The following MRC1 variants were observed in gnomAD, a reference collection of about 807,000 sequenced individuals.
MRC1 encodes the protein mannose receptor C-type 1, also known as macrophage mannose receptor 1.
A neutral mutation model predicts 102.9 loss-of-function variants in MRC1; 62 were observed. That is an observed-to-expected ratio of 0.60 (90% CI 0.49 to 0.74). MRC1 has a LOEUF of 0.74. Ranked by LOEUF, MRC1 falls within the 30% of genes least tolerant of loss-of-function variation. MRC1 has a pLI of 0.00. For missense variants in MRC1, 1,237 were observed against 862.8 expected (o/e 1.43, Z -5.43); for synonymous variants, 457 against 298.4 (o/e 1.53, Z -5.48).
intron 26 of MRC1, among the ~76,000 whole-genome samples, chr10:17,905,066 C>T (rs1287383670): frequency 1.3e-5 from 2 of 152,048 alleles, no homozygotes; most frequent in African/African-American, 2.4e-5. Context: ...ACAAGCTTTG[C>T]GAGTGGGGTT....
Position 17,846,904 on chromosome 10 carries a change from A to G in MRC1, c.1063+1469A>G, listed in dbSNP as rs1804764076. 2.6e-5 allele frequency among the ~76,000 whole-genome samples: 4 copies of G among 152,364 alleles called. No homozygotes were observed. In the South Asian group the frequency reaches 8.3e-4, roughly 32 times the overall value. On this transcript the variant is annotated intron_variant, in intron 6 of 29. Coordinates refer to ENST00000569591, the MANE Select transcript of MRC1 (RefSeq NM_002438.4). ...ACAGTCCTGAGGTAAATAACTATAT[A>G]CATTCTATGCACATCATTTCATGCA...
At chr10:17,883,903 G>C (rs1217236681) in intron 21 of MRC1, among the ~76,000 whole-genome samples, 1 of 152,074 alleles carries the variant, frequency 6.6e-6, no homozygotes, top group Non-Finnish European at 1.5e-5. Flanking sequence ...CATCCTCTTG[G>C]CCACAGAACT....
At chr10:17,869,569 T>G (rs1266663731) in intron 12 of MRC1, among the ~76,000 whole-genome samples, 1 of 152,222 alleles carries the variant, frequency 6.6e-6, no homozygotes, top group Non-Finnish European at 1.5e-5. Context: ...CACTGTTGAC[T>G]GCATTTCACT....
intron 4 of MRC1, among the ~76,000 whole-genome samples, chr10:17,838,647 C>T (rs1838705848): frequency 6.6e-6 from 1 of 151,984 alleles, no homozygotes; most frequent in African/African-American, 2.4e-5. Flanking sequence ...GGTATATAAC[C>T]ATTTCAGACA....
intron 16 of MRC1, among the ~76,000 whole-genome samples, chr10:17,874,153 T>A (rs1833393601): frequency 1.3e-5 from 2 of 152,184 alleles, no homozygotes; most frequent in South Asian, 4.1e-4. Flanking sequence ...ATGCAGTTAC[T>A]CCCTTACAGT....
At chr10:17,810,669 A>C (rs1838207822) in intron 1 of MRC1, among the ~76,000 whole-genome samples, 1 of 152,226 alleles carries the variant, frequency 6.6e-6, no homozygotes, top group Non-Finnish European at 1.5e-5. Context: ...TTCAATGAGT[A>C]ACAATATGTG....
intron 4 of MRC1, among the ~76,000 whole-genome samples, chr10:17,840,065 CAAA>C (rs35908194): frequency 2.9e-5 from 3 of 103,112 alleles, no homozygotes; most frequent in African/African-American, 4.1e-5. Context: ...GACTCCAACT[CAAA>C]AAAAAAAAAA....
At chr10:17,900,977 C>T (rs35672678) in intron 25 of MRC1, 24 bp downstream of exon 25, 739 of 775,864 alleles carry the variant, frequency 9.5e-4, no homozygotes, top group Non-Finnish European at 1.5e-3. Flanking sequence ...TAAAAACAGT[C>T]AGGGGATCTG....
At chr10:17,810,201 A>G (rs1218147748) in intron 1 of MRC1, among the ~76,000 whole-genome samples, 3 of 152,258 alleles carry the variant, frequency 2.0e-5, no homozygotes, top group Non-Finnish European at 4.4e-5. Flanking sequence ...ATTCTCAAAT[A>G]CCTTTTCCAG....
Position 17,881,834 on chromosome 10 carries a change from GTTTTTTTTTTTTT to G in MRC1, c.2980+670_2980+682del, listed in dbSNP as rs1159143035. Among the ~76,000 whole-genome samples, 16 of 61,880 alleles carry G rather than the reference GTTTTTTTTTTTTT, an allele frequency of 2.6e-4. No homozygotes were observed. In the East Asian group the frequency reaches 3.9e-3, roughly 15 times the overall value. 40.6% of individuals were successfully genotyped at this position (61,880 alleles called of 152,430 possible). The stretch of plus-strand genomic sequence containing the variant: ...CAATGCTCGCCTAATATTTTTTAAA[GTTTTTTTTTTTTT>G]TTTTTTTTTTTTTTTTGGTAGAGAT... On this transcript the variant is annotated intron_variant, in intron 21 of 29. Coordinates refer to ENST00000569591, the MANE Select transcript of MRC1 (RefSeq NM_002438.4).
chr10:17,828,418 T>C (rs1021909333), intron 3 of MRC1, among the ~76,000 whole-genome samples: 4 of 151,506 alleles, frequency 2.6e-5, no homozygotes, highest in African/African-American at 9.8e-5. Flanking sequence ...TCAGCGAAAA[T>C]TATCCTGTAC....
intron 1 of MRC1, among the ~76,000 whole-genome samples, chr10:17,816,880 C>T (rs897260264): frequency 6.6e-6 from 1 of 152,092 alleles, no homozygotes; most frequent in South Asian, 2.1e-4. Context: ...CCTTTAATAA[C>T]CAAATTTTCT....
chr10:17,815,003 CT>C (rs1838289049), intron 1 of MRC1, among the ~76,000 whole-genome samples: 1 of 152,056 alleles, frequency 6.6e-6, no homozygotes, highest in Non-Finnish European at 1.5e-5. Flanking sequence ...GTTCTCTGCT[CT>C]TTCATTTCAT....
Position 17,840,817 on chromosome 10 carries a change from G to A in MRC1, c.916+11G>A. 2 of 780,818 alleles carry A rather than the reference G, an allele frequency of 2.6e-6. No homozygotes were observed. The highest frequency in any genetic ancestry group is 4.8e-6 in the Non-Finnish European group (2 of 417,940). 48.4% of individuals were successfully genotyped at this position (780,818 alleles called of 1,614,324 possible). A position where few individuals can be genotyped will look rare whatever the true frequency, so the allele number is the denominator to read the frequency against. Reference sequence around the variant, plus strand: ...TGAACTGGTTACCAGGTAGGGTTAAGCCTGTTTGTGTCGAATTAATCCAAA... The same window carrying A: ...TGAACTGGTTACCAGGTAGGGTTAAACCTGTTTGTGTCGAATTAATCCAAA... On this transcript the variant is annotated intron_variant, in intron 5 of 29. Transcript: ENST00000569591.
chr10:17,874,378 T>C (rs991674346), intron 16 of MRC1, among the ~76,000 whole-genome samples: 23 of 152,294 alleles, frequency 1.5e-4, no homozygotes, highest in African/African-American at 5.3e-4. Context: ...CCTCCTTCTC[T>C]TGTAGTCAAA....
chr10:17,843,990 T>A (rs1554840035), intron 5 of MRC1, among the ~76,000 whole-genome samples: 1 of 152,194 alleles, frequency 6.6e-6, no homozygotes, highest in African/African-American at 2.4e-5. Context: ...TTTTAAATCA[T>A]ATATTAGAGT....
chr10:17,890,981 C>T (rs995234663), intron 22 of MRC1, among the ~76,000 whole-genome samples: 3 of 151,752 alleles, frequency 2.0e-5, no homozygotes, highest in Admixed American at 6.6e-5. Flanking sequence ...ACTGTGCATG[C>T]GTGGGATCTA....
intron 17 of MRC1, among the ~76,000 whole-genome samples, chr10:17,876,694 T>G (rs1833442250): frequency 1.3e-5 from 2 of 152,222 alleles, no homozygotes; most frequent in Non-Finnish European, 2.9e-5. Flanking sequence ...GTGTATCATA[T>G]AGTTTAATTT....
Position 17,823,283 on chromosome 10 carries a change from T to C in MRC1, c.271T>C (p.Cys91Arg). The change falls in exon 2 of 30, where the codon TGT becomes CGT. Residue 91 changes from cysteine (C) to arginine (R), a missense_variant. By Grantham distance (180) the Cys-to-Arg change is radical (BLOSUM62 -3). Transcript: ENST00000569591. ...CTGGGTTGCTATCACTCTCTATGCC[T>C]GTGACTCAAAAAGTGAATTTCAGAA... ...TDWVAITLYA[C>R]DSKSEFQKWE... The C allele has an allele frequency of 1.3e-6, 1 of 780,612 alleles. No homozygotes were observed. Among genetic ancestry groups the C allele is most frequent in the Non-Finnish European group, 2.4e-6 (1 of 417,798 alleles). 48.4% of individuals were successfully genotyped at this position (780,612 alleles called of 1,614,324 possible).
Sources: gnomAD v4.1 joint callset for allele counts (sites outside exome capture counted in the v4.1 genomes callset) on GRCh38, gnomAD v4.1.1 for gene constraint, MANE v1.5 for transcripts, NCBI Gene and HGNC (gene_info 2026-07-23, HGNC 2026-07-21) for gene names.